CACNA1A: variants seen among roughly 807,000 people sequenced by gnomAD.
CACNA1A encodes calcium voltage-gated channel subunit alpha1 A.
A neutral mutation model predicts 262.4 loss-of-function variants in CACNA1A; 57 were observed. The observed-to-expected ratio is 0.22, with a 90% CI of 0.18 to 0.27. The LOEUF is 0.27. Ranked by LOEUF, CACNA1A falls within the 10% of genes least tolerant of loss-of-function variation. CACNA1A has a pLI of 1.00. For missense variants in CACNA1A, 2,526 were observed against 3,562.8 expected (o/e 0.71, Z 7.41); for synonymous variants, 1,431 against 1,419.3 (o/e 1.01, Z -0.18).
chr19:13,427,973 C>T (rs578027479), intron 3 of CACNA1A, among the ~76,000 whole-genome samples: 2 of 151,048 alleles, frequency 1.3e-5, no homozygotes, highest in Admixed American at 6.6e-5. Flanking sequence ...GACAGAGTTT[C>T]ACTCTTGGAG....
At chr19:13,215,611 C>T (rs576003297) in intron 38 of CACNA1A, among the ~76,000 whole-genome samples, 19 of 138,968 alleles carry the variant, frequency 1.4e-4, no homozygotes, top group Admixed American at 9.7e-4. Flanking sequence ...TGAGCCACCG[C>T]GTCTGGCCTG....
At position 13,214,353 on chromosome 19, in the gene CACNA1A, G is replaced by A; in HGVS notation, c.5840-20C>T. ...CCGTGGCTGGGGGCACACACACGGT[G>A]AGCTCACCAAGGGCAGGCCTCTTTG... On this transcript the variant is annotated intron_variant, in intron 39 of 46. Coordinates refer to ENST00000360228, the MANE Select transcript of CACNA1A (RefSeq NM_001127222.2). This position sits in a 1 kb window ranked among gnomAD's most constrained non-coding sequence, Gnocchi z 4.1. 1 of 1,610,330 alleles carries A rather than the reference G, an allele frequency of 6.2e-7. No individual in the cohort carries two copies. The highest frequency in any genetic ancestry group is 1.1e-5 in the South Asian group (1 of 90,914).
At chr19:13,492,674 A>T (rs369824747) in intron 1 of CACNA1A, among the ~76,000 whole-genome samples, 2 of 152,256 alleles carry the variant, frequency 1.3e-5, no homozygotes. Context: ...GAAAATCAAA[A>T]AGTTTAGGTA....
intron 12 of CACNA1A, among the ~76,000 whole-genome samples, chr19:13,310,574 T>TA (rs1568521742): frequency 7.0e-6 from 1 of 142,220 alleles, no homozygotes; most frequent in South Asian, 2.4e-4. Flanking sequence ...TGTATGGACT[T>TA]ACGTTGCTAG....
intron 1 of CACNA1A, among the ~76,000 whole-genome samples, chr19:13,482,578 T>C (rs1366579497): frequency 6.6e-6 from 1 of 152,184 alleles, no homozygotes; most frequent in East Asian, 1.9e-4. Context: ...AAGTGACGTG[T>C]CCACTAAACC....
At chr19:13,211,003 A>C (rs1600085822) in intron 43 of CACNA1A, 2 of 308,742 alleles carry the variant, frequency 6.5e-6, no homozygotes, top group Non-Finnish European at 1.2e-5. Flanking sequence ...GCACACCCCA[A>C]CCCCTGGCTC....
At chr19:13,384,797 G>T (rs73505139) in intron 3 of CACNA1A, among the ~76,000 whole-genome samples, 4,117 of 152,226 alleles carry the variant, frequency 0.027, 183 homozygotes, top group African/African-American at 0.094. Flanking sequence ...CCGCACAGAG[G>T]TGAGTAAGAG....
Position 13,308,982 on chromosome 19 carries a change from C to T in CACNA1A, c.1669-454G>A, listed in dbSNP as rs116924509. ...TTCCAAAGCATTGAGCCACTGCACC[C>T]GGCCTCTTATTTATTTATTTATTTT... On this transcript the variant is annotated intron_variant, in intron 12 of 46. Coordinates refer to ENST00000360228, the MANE Select transcript of CACNA1A (RefSeq NM_001127222.2). The surrounding 1 kb of genome is among the most constrained non-coding windows in gnomAD (Gnocchi z 4.2). 4.4e-3 allele frequency among the ~76,000 whole-genome samples: 676 copies of T among 152,022 alleles called. 1 individual carries two copies. The highest frequency in any genetic ancestry group is 0.014 in the Middle Eastern group (4 of 294).
At chr19:13,325,762 T>C (rs1421391326) in intron 10 of CACNA1A, among the ~76,000 whole-genome samples, 2 of 152,178 alleles carry the variant, frequency 1.3e-5, no homozygotes, top group African/African-American at 2.4e-5. Context: ...TTATTATTCA[T>C]TTATTTTAAA....
At chr19:13,221,311 G>A (rs956851053) in intron 38 of CACNA1A, among the ~76,000 whole-genome samples, 1 of 132,032 alleles carries the variant, frequency 7.6e-6, no homozygotes, top group African/African-American at 3.0e-5. Flanking sequence ...TCGGCTCACT[G>A]CAACCTCTGC....
intron 25 of CACNA1A, chr19:13,261,851 G>C (rs1463670368): frequency 2.1e-6 from 1 of 470,916 alleles, no homozygotes; most frequent in Non-Finnish European, 3.8e-6. Context: ...ATGCTTTTAA[G>C]TGATACAGGA....
At chr19:13,317,385 T>C in intron 10 of CACNA1A, 64 bp from the exon 11 acceptor site, 2 of 1,367,586 alleles carry the variant, frequency 1.5e-6, no homozygotes, top group Admixed American at 2.0e-5. Flanking sequence ...TTAACCAATG[T>C]GCAGCCCAAG....
chr19:13,361,042 G>A (rs549417867), intron 5 of CACNA1A, among the ~76,000 whole-genome samples: 4 of 152,194 alleles, frequency 2.6e-5, no homozygotes, highest in East Asian at 1.9e-4. Flanking sequence ...GCCTTCTTCC[G>A]ACATCCATTA....
intron 6 of CACNA1A, among the ~76,000 whole-genome samples, chr19:13,347,616 G>A (rs1056855841): frequency 1.3e-5 from 2 of 152,192 alleles, no homozygotes; most frequent in Non-Finnish European, 2.9e-5. Flanking sequence ...GAGTCGTTGC[G>A]ATGGAGACCA....
At chr19:13,242,847 T>G (rs542883763) in intron 31 of CACNA1A, among the ~76,000 whole-genome samples, 61 of 152,300 alleles carry the variant, frequency 4.0e-4, no homozygotes, top group Admixed American at 1.1e-3. Flanking sequence ...TGAGAAGAGA[T>G]AGCGCAAGTT....
In CACNA1A at chr19:13,415,743, T is replaced by TAAAAAAAAAAAAAAAAA. The variant is rs71170510; in HGVS notation, c.539+37116_539+37132dup. Among the ~76,000 whole-genome samples the TAAAAAAAAAAAAAAAAA allele has an allele frequency of 1.2e-3, 53 of 42,504 alleles. 5 individuals are homozygous for TAAAAAAAAAAAAAAAAA. Among genetic ancestry groups the TAAAAAAAAAAAAAAAAA allele is most frequent in the African/African-American group, 1.4e-3 (17 of 12,152 alleles). The allele number at this position is 42,504 out of a possible 152,430, so 27.9% of individuals were successfully genotyped here. On this transcript the variant is annotated intron_variant, in intron 3 of 46. Coordinates refer to ENST00000360228, the MANE Select transcript of CACNA1A (RefSeq NM_001127222.2). ...CAACAGAGCGAGACTCTGTCTCAAT[T>TAAAAAAAAAAAAAAAAA]AAAAAAAAAAAAAAAAAAAAAAAAA... is the stretch of plus-strand genomic sequence containing the variant.
At position 13,506,284 on chromosome 19, in the gene CACNA1A, G is replaced by A. The variant is rs1599397346; in HGVS notation, c.-60C>T. On this transcript the variant is annotated 5_prime_UTR_variant, in exon 1 of 47. Transcript: ENST00000360228. ...GGCGAACGATGCGGAAGACGCCGCC[G>A]CCGCCGCCGCCGCCGCTGATGCTGA... The A allele has an allele frequency of 2.2e-6, 3 of 1,341,018 alleles. No individual in the cohort carries two copies. The highest frequency in any genetic ancestry group is 3.6e-5 in the Admixed American group (1 of 27,468). The allele number at this position is 1,341,018 out of a possible 1,614,324, so 83.1% of individuals were successfully genotyped here.
At chr19:13,332,763 C>G (rs2058488384) in intron 9 of CACNA1A, 106 bp downstream of exon 9, 2 of 658,284 alleles carry the variant, frequency 3.0e-6, no homozygotes, top group African/African-American at 1.8e-5. Context: ...AACGTCTACC[C>G]TCTGCAAGAT....
At chr19:13,323,777 G>A (rs928913152) in intron 10 of CACNA1A, among the ~76,000 whole-genome samples, 3 of 151,942 alleles carry the variant, frequency 2.0e-5, no homozygotes, top group Non-Finnish European at 2.9e-5. Flanking sequence ...AGTTTGATAC[G>A]ATCCCATTTG....
Sources: allele counts gnomAD v4.1 joint callset (sites outside exome capture counted in the v4.1 genomes callset), GRCh38; gene constraint gnomAD v4.1.1; non-coding constraint Gnocchi (gnomAD v3.1); transcripts MANE v1.5; gene names NCBI Gene and HGNC (gene_info 2026-07-23, HGNC 2026-07-21).